IL1RL1: variants seen among roughly 807,000 people sequenced by gnomAD.
IL1RL1 encodes interleukin-1 receptor-like 1.
In IL1RL1, 32 loss-of-function variants were observed where a neutral mutation model predicts 50.9. That is an observed-to-expected ratio of 0.63 (90% CI 0.47 to 0.84). The LOEUF (loss-of-function observed/expected upper bound fraction) is 0.84. Ranked by LOEUF, IL1RL1 falls within the 40% of genes least tolerant of loss-of-function variation. The probability of loss-of-function intolerance (pLI) is 0.00; values close to 1 mark genes in which losing one functional copy is unlikely to be tolerated. For missense variants in IL1RL1, 773 were observed against 662.9 expected (o/e 1.17, Z -1.82); for synonymous variants, 275 against 236.0 (o/e 1.17, Z -1.51).
intron 1 of IL1RL1, among the ~76,000 whole-genome samples, chr2:102,330,831 T>A (rs1282872513): frequency 6.6e-6 from 1 of 152,206 alleles, no homozygotes; most frequent in Non-Finnish European, 1.5e-5. Flanking sequence ...TTTATTTTTC[T>A]TTCATGATTA....
At position 102,330,720 on chromosome 2, in the gene IL1RL1, A is replaced by C. The variant is rs1188235914; in HGVS notation, c.-149-7396A>C. ...ATACAAGTCTTTCATCTGATATGCAAATTATGAGTATTTTGTCTGGACTGT... is the reference window on the plus strand; with the variant it reads ...ATACAAGTCTTTCATCTGATATGCACATTATGAGTATTTTGTCTGGACTGT... On this transcript the variant is annotated intron_variant, in intron 1 of 10. Transcript: ENST00000233954. Among the ~76,000 whole-genome samples the C allele has an allele frequency of 4.6e-5, 7 of 152,306 alleles. No homozygotes were observed. In the East Asian group the frequency reaches 1.2e-3, roughly 25 times the overall value.
intron 9 of IL1RL1, among the ~76,000 whole-genome samples, chr2:102,348,373 C>A (rs1164031931): frequency 6.6e-6 from 1 of 152,036 alleles, no homozygotes; most frequent in African/African-American, 2.4e-5. Context: ...TGCCCCAAGC[C>A]CAGAAAGGTG....
At position 102,341,777 on chromosome 2, in the gene IL1RL1, G is replaced by A. The variant is rs373179634; in HGVS notation, c.611-446G>A. On this transcript the variant is annotated intron_variant, in intron 5 of 10. Transcript: ENST00000233954. The stretch of plus-strand genomic sequence containing the variant: ...GGTCACAGGAGTCAGAATTCCGTAC[G>A]GGGAAGATTTCACTGAGGATGGGCC... Among the ~76,000 whole-genome samples the A allele has an allele frequency of 3.9e-4, 60 of 152,264 alleles. 1 individual carries two copies. In the East Asian group the frequency reaches 9.5e-3, roughly 24 times the overall value.
intron 1 of IL1RL1, among the ~76,000 whole-genome samples, chr2:102,321,629 C>T (rs1163582924): frequency 6.6e-6 from 1 of 152,162 alleles, no homozygotes; most frequent in Non-Finnish European, 1.5e-5. Context: ...TTTAAGGCTG[C>T]AAACATGAAT....
In IL1RL1 at chr2:102,340,820, C is replaced by G. The variant is rs143458919; in HGVS notation, c.602C>G (p.Thr201Arg). 20 of 1,572,574 alleles carry G rather than the reference C, an allele frequency of 1.3e-5. No homozygotes were observed. Among genetic ancestry groups the G allele is most frequent in the Admixed American group, 4.2e-5 (2 of 47,278 alleles). Residue 201 changes from threonine (T) to arginine (R), a missense_variant, in exon 5 of 11, where the codon ACG (threonine) becomes AGG (arginine). Physicochemically the swap from Thr to Arg is moderately conservative, Grantham distance 71 (BLOSUM62 -1). Transcript: ENST00000233954. Reference protein sequence around the residue: ...NYSVTATRSFTVKDEQGFSLF... With the variant: ...NYSVTATRSFRVKDEQGFSLF... ...AGTGTGACGGCGACCAGGTCCTTCACGGTCAAGGGTAAGCTACTGACATTA... is the reference window on the plus strand; with the variant it reads ...AGTGTGACGGCGACCAGGTCCTTCAGGGTCAAGGGTAAGCTACTGACATTA...
chr2:102,330,851 G>A (rs1401508686), intron 1 of IL1RL1, among the ~76,000 whole-genome samples: 1 of 151,956 alleles, frequency 6.6e-6, no homozygotes, highest in Non-Finnish European at 1.5e-5. Context: ...AGTGATTTTT[G>A]TATCCATTTA....
chr2:102,312,426 C>T lies in IL1RL1; in HGVS notation c.-150+803C>T, dbSNP rs575769837. ...TGTGTAATATGGGACTTTGGTCCAA[C>T]GTGTTGGAAAAGACCTGGTTGAGGG... is the stretch of plus-strand genomic sequence containing the variant. On this transcript the variant is annotated intron_variant, in intron 1 of 10. Coordinates refer to ENST00000233954, the MANE Select transcript of IL1RL1 (RefSeq NM_016232.5). Among the ~76,000 whole-genome samples the T allele has an allele frequency of 2.5e-4, 38 of 151,782 alleles. 1 individual carries two copies. Among genetic ancestry groups the T allele is most frequent in the East Asian group, 5.8e-4 (3 of 5,158 alleles).
intron 1 of IL1RL1, among the ~76,000 whole-genome samples, chr2:102,316,026 G>T (rs1161650865): frequency 6.6e-6 from 1 of 152,086 alleles, no homozygotes; most frequent in Non-Finnish European, 1.5e-5. Context: ...ATCTCAGTCT[G>T]CCAGTGATGG....
At chr2:102,343,485 T>G (rs1677661527) in intron 8 of IL1RL1, 70 bp downstream of exon 8, 6 of 1,612,738 alleles carry the variant, frequency 3.7e-6, no homozygotes, top group Non-Finnish European at 5.1e-6. Flanking sequence ...TGGAGTGTGG[T>G]TCCAAGAGAT....
chr2:102,332,519 T>G (rs573047625), intron 1 of IL1RL1, among the ~76,000 whole-genome samples: 11 of 152,178 alleles, frequency 7.2e-5, no homozygotes, highest in Admixed American at 2.6e-4. Flanking sequence ...GAACAAAACT[T>G]GGAAAGATTA....
At chr2:102,347,836 T>C (rs111466813) in intron 8 of IL1RL1, 109 bp from the exon 9 acceptor site, 2 of 646,198 alleles carry the variant, frequency 3.1e-6, no homozygotes, top group African/African-American at 1.8e-5. Context: ...TCCCAGTGGG[T>C]ATATCTTATG....
At chr2:102,335,007 C>G (rs1997466) in intron 1 of IL1RL1, among the ~76,000 whole-genome samples, 72,745 of 151,790 alleles carry the variant, frequency 0.48, 17,691 homozygotes, top group Middle Eastern at 0.64. Context: ...GTTCAATGAG[C>G]TTAGATTCTA....
chr2:102,329,249 T>A (rs1677103910), intron 1 of IL1RL1, among the ~76,000 whole-genome samples: 1 of 152,232 alleles, frequency 6.6e-6, no homozygotes, highest in South Asian at 2.1e-4. Context: ...AAGGATTCCC[T>A]ATTTAACAAA....
chr2:102,321,724 C>T (rs751677133), intron 1 of IL1RL1, among the ~76,000 whole-genome samples: 1 of 152,188 alleles, frequency 6.6e-6, no homozygotes, highest in Non-Finnish European at 1.5e-5. Flanking sequence ...AAATCCACCC[C>T]TCTTTGCATC....
intron 9 of IL1RL1, 100 bp downstream of exon 9, chr2:102,348,191 A>G (rs1027016445): frequency 5.3e-6 from 5 of 947,082 alleles, no homozygotes; most frequent in Non-Finnish European, 8.0e-6. Flanking sequence ...TGCTAAGCCC[A>G]GATTCCATTT....
At chr2:102,330,794 C>G (rs188555828) in intron 1 of IL1RL1, among the ~76,000 whole-genome samples, 1 of 152,108 alleles carries the variant, frequency 6.6e-6, no homozygotes, top group Non-Finnish European at 1.5e-5. Flanking sequence ...AGAAAAGTTT[C>G]TAATTTTAAT....
Position 102,345,678 on chromosome 2 carries a change from C to T in IL1RL1, c.970+2263C>T, listed in dbSNP as rs578199733. The T allele has an allele frequency of 5.1e-6, 5 of 985,344 alleles. No homozygotes were observed. In the East Asian group the frequency reaches 3.4e-4, roughly 67 times the overall value. The allele number at this position is 985,344 out of a possible 1,614,324, so 61.0% of individuals were successfully genotyped here. ...TCTTGTTTTAATTTTGACTTTAACCCCTGATTTGTAAGTTTTTCATAAAAT... is the reference window on the plus strand; with the variant it reads ...TCTTGTTTTAATTTTGACTTTAACCTCTGATTTGTAAGTTTTTCATAAAAT... On this transcript the variant is annotated intron_variant, in intron 8 of 10. Coordinates refer to ENST00000233954, the MANE Select transcript of IL1RL1 (RefSeq NM_016232.5).
Position 102,338,819 on chromosome 2 carries a change from T to C in IL1RL1, c.62-18T>C. The stretch of plus-strand genomic sequence containing the variant: ...CATTTGATCATTTCAGGATTGTCTT[T>C]ATATCTTTTATTTGCAGGTAAACAA... On this transcript the variant is annotated intron_variant, in intron 2 of 10. Transcript: ENST00000233954. The C allele has an allele frequency of 6.5e-7, 1 of 1,549,888 alleles. No individual in the cohort carries two copies. The highest frequency in any genetic ancestry group is 1.1e-5 in the South Asian group (1 of 89,694).
chr2:102,329,242 G>C (rs186273556), intron 1 of IL1RL1, among the ~76,000 whole-genome samples: 17 of 152,250 alleles, frequency 1.1e-4, no homozygotes, highest in Middle Eastern at 6.8e-3. Context: ...ATGGGGAAAG[G>C]ATTCCCTATT....
Sources: allele counts gnomAD v4.1 joint callset (sites outside exome capture counted in the v4.1 genomes callset), GRCh38; gene constraint gnomAD v4.1.1; transcripts MANE v1.5; gene names NCBI Gene and HGNC (gene_info 2026-07-23, HGNC 2026-07-21).